Variants in SCUBE3 observed in about 807,000 individuals in gnomAD.
SCUBE3 encodes the protein signal peptide, CUB and EGF-like domain-containing protein 3.
SCUBE3 carries 33 observed loss-of-function variants against 116.8 expected under a neutral mutation model. That is an observed-to-expected ratio of 0.28 (90% confidence interval 0.21 to 0.38). The LOEUF is 0.38. SCUBE3 is among the 10% of genes least tolerant of loss of function. The pLI, the probability that SCUBE3 is intolerant of heterozygous loss-of-function variation, is 1.00. For missense variants in SCUBE3, 1,007 were observed against 1,324.8 expected (o/e 0.76, Z 3.72); for synonymous variants, 418 against 496.9 (o/e 0.84, Z 2.11).
Position 35,245,449 on chromosome 6 carries a change from C to T in SCUBE3, c.2599+24C>T, listed in dbSNP as rs777873938. 6.3e-7 allele frequency: 1 copy of T among 1,589,266 alleles called. No homozygotes were observed. Among genetic ancestry groups the T allele is most frequent in the African/African-American group, 1.3e-5 (1 of 74,334 alleles). On this transcript the variant is annotated intron_variant, in intron 19 of 21. Transcript: ENST00000274938. This position sits in a 1 kb window ranked among gnomAD's most constrained non-coding sequence, Gnocchi z 4.2. ...CTGTGGGTGGCTTGCAGAGCTGGGCCAGGGAAGGGCAGTCCAAATCTGGTT... is the reference window on the plus strand; with the variant it reads ...CTGTGGGTGGCTTGCAGAGCTGGGCTAGGGAAGGGCAGTCCAAATCTGGTT...
Position 35,227,608 on chromosome 6 carries a change from C to A in SCUBE3, c.114C>A (p.Asp38Glu). 2 of 1,614,120 alleles carry A rather than the reference C, an allele frequency of 1.2e-6. No homozygotes were observed. Among genetic ancestry groups the A allele is most frequent in the Non-Finnish European group, 1.7e-6 (2 of 1,180,002 alleles). Residue 38 changes from aspartate to glutamate, a missense_variant, in exon 2 of 22, where the codon GAC (aspartate) becomes GAA (glutamate). Asp to Glu is a conservative substitution (Grantham distance 45, BLOSUM62 2). Transcript: ENST00000274938. ...TGGATGAGTGTGTGGAGGGGACTGA[C>A]AACTGCCACATCGATGCTATCTGCC... Reference protein sequence around the residue: ...QDVDECVEGTDNCHIDAICQN... With the variant: ...QDVDECVEGTENCHIDAICQN...
chr6:35,217,717 G>T (rs571180400), intron 1 of SCUBE3, among the ~76,000 whole-genome samples: 3 of 152,204 alleles, frequency 2.0e-5, no homozygotes, highest in African/African-American at 7.2e-5. Flanking sequence ...AACCATGTCA[G>T]CGGGTAAGGG....
chr6:35,237,851 C>T (rs964528869), intron 6 of SCUBE3, 51 bp from the exon 7 acceptor site: 2 of 1,152,582 alleles, frequency 1.7e-6, no homozygotes, highest in East Asian at 4.8e-5. Flanking sequence ...GAGTTTGGGA[C>T]TCCTCCAGGC....
In SCUBE3 at chr6:35,235,552, C is replaced by T. The variant is rs533033406; in HGVS notation, c.712+2251C>T. 37 of 991,672 alleles carry T rather than the reference C, an allele frequency of 3.7e-5. No individual in the cohort carries two copies. The East Asian group carries it at 4.8e-4, about 13-fold the overall frequency. The allele number at this position is 991,672 out of a possible 1,614,324, so 61.4% of individuals were successfully genotyped here. The stretch of plus-strand genomic sequence containing the variant: ...TGGCTTGCTAGGGGAAGGGCTAACC[C>T]GCTGGGGCTCCCACTAACTGCATGC... On this transcript the variant is annotated intron_variant, in intron 6 of 21. Coordinates refer to ENST00000274938, the MANE Select transcript of SCUBE3 (RefSeq NM_152753.4). The surrounding 1 kb of genome is among the most constrained non-coding windows in gnomAD (Gnocchi z 4.5).
chr6:35,236,845 G>A (rs1783796000), intron 6 of SCUBE3, among the ~76,000 whole-genome samples: 1 of 152,176 alleles, frequency 6.6e-6, no homozygotes, highest in Admixed American at 6.5e-5. Flanking sequence ...ACCCCAAGAG[G>A]ACAGTATGCA....
In SCUBE3 at chr6:35,243,059, C is replaced by T. The variant is rs1355318683; in HGVS notation, c.1732C>T (p.Arg578Trp). The T allele has an allele frequency of 1.5e-5, 24 of 1,614,038 alleles. No individual in the cohort carries two copies. Among genetic ancestry groups the T allele is most frequent in the South Asian group, 2.2e-5 (2 of 91,092 alleles). ...GCCCTGCCTCCGACAGCGAATGGAACGGCGGCTGAAAGGATCCCTGAAGAT... is the reference window on the plus strand; with the variant it reads ...GCCCTGCCTCCGACAGCGAATGGAATGGCGGCTGAAAGGATCCCTGAAGAT... Reference protein sequence around the residue: ...GLPCLRQRMERRLKGSLKMLR... With the variant: ...GLPCLRQRMEWRLKGSLKMLR... The change falls in exon 15 of 22, where the codon CGG becomes TGG. Residue 578 changes from arginine to tryptophan, a missense_variant. Arg to Trp is a moderately radical substitution (Grantham distance 101). Around this residue, in one of 5 missense-constraint regions of SCUBE3, gnomAD observed 544 missense variants for 638.9 expected, o/e 0.85. Transcript: ENST00000274938. This position sits in a 1 kb window ranked among gnomAD's most constrained non-coding sequence, Gnocchi z 6.6.
intron 21 of SCUBE3, 34 bp from the exon 22 acceptor site, chr6:35,248,522 T>C: frequency 6.2e-7 from 1 of 1,611,780 alleles, no homozygotes; most frequent in African/African-American, 1.3e-5. Context: ...CCCCCGACGG[T>C]GAGGCTGACA....
chr6:35,233,104 AG>A lies in SCUBE3; in HGVS notation c.596-76del, dbSNP rs762122884. 26 of 1,473,468 alleles carry A rather than the reference AG, an allele frequency of 1.8e-5. No homozygotes were observed. The highest frequency in any genetic ancestry group is 2.8e-5 in the African/African-American group (2 of 72,326). 91.3% of individuals were successfully genotyped at this position (1,473,468 alleles called of 1,614,324 possible). A position where few individuals can be genotyped will look rare whatever the true frequency, so the allele number is the denominator to read the frequency against. On this transcript the variant is annotated intron_variant, in intron 5 of 21. Coordinates refer to ENST00000274938, the MANE Select transcript of SCUBE3 (RefSeq NM_152753.4). The surrounding 1 kb of genome is among the most constrained non-coding windows in gnomAD (Gnocchi z 5.7). ...GGAGTATGGGGGAGGCAACTAGGCA[AG>A]GGGGCCAGTACCCACATTGTGGAAA...
In SCUBE3 at chr6:35,240,994, T is replaced by A; in HGVS notation, c.1070-147T>A. ...AGTATTTATGTGCCTATAGGCACAC[T>A]GTTGTACAGTAGATCTCTCGAACTT... On this transcript the variant is annotated intron_variant, in intron 9 of 21. Transcript: ENST00000274938. This position sits in a 1 kb window ranked among gnomAD's most constrained non-coding sequence, Gnocchi z 4.6. 1 of 729,140 alleles carries A rather than the reference T, an allele frequency of 1.4e-6. No homozygotes were observed. 45.2% of individuals were successfully genotyped at this position (729,140 alleles called of 1,614,324 possible).
intron 1 of SCUBE3, among the ~76,000 whole-genome samples, chr6:35,226,220 G>C (rs997495763): frequency 6.6e-6 from 1 of 152,192 alleles, no homozygotes; most frequent in Non-Finnish European, 1.5e-5. Context: ...TCCTAGGAGA[G>C]TTGACTCTGA....
In SCUBE3 at chr6:35,249,789, C is replaced by A. The variant is rs1784489052; in HGVS notation, c.*1084C>A. On this transcript the variant is annotated 3_prime_UTR_variant, in exon 22 of 22. Transcript: ENST00000274938. ...CCACTCTGAAGCCAGCCTGGAGCCACCTACCTCTGGCCTCAGGCTGTGGGC... is the reference window on the plus strand; with the variant it reads ...CCACTCTGAAGCCAGCCTGGAGCCAACTACCTCTGGCCTCAGGCTGTGGGC... 6.5e-6 allele frequency: 1 copy of A among 152,702 alleles called. No homozygotes were observed. Among genetic ancestry groups the A allele is most frequent in the Admixed American group, 6.5e-5 (1 of 15,292 alleles). The allele number at this position is 152,702 out of a possible 1,614,324, so 9.5% of individuals were successfully genotyped here. A position where few individuals can be genotyped will look rare whatever the true frequency, so the allele number is the denominator to read the frequency against.
chr6:35,215,795 C>G (rs1782863344), intron 1 of SCUBE3, among the ~76,000 whole-genome samples: 1 of 152,166 alleles, frequency 6.6e-6, no homozygotes, highest in South Asian at 2.1e-4. Context: ...AACTGAAACA[C>G]TAGAGATCCT....
chr6:35,223,973 A>G (rs1783219353), intron 1 of SCUBE3: 1 of 152,256 alleles, frequency 6.6e-6, no homozygotes, highest in East Asian at 1.9e-4. Context: ...TTAAAGTATT[A>G]GCAGAGCAAT....
chr6:35,242,626 T>C lies in SCUBE3; in HGVS notation c.1539T>C (p.Gly513=), dbSNP rs755732478. Residue 513 remains glycine (G), a synonymous_variant, in exon 14 of 22, where the codon GGT becomes GGC. Coordinates refer to ENST00000274938, the MANE Select transcript of SCUBE3 (RefSeq NM_152753.4). Reference sequence around the variant, plus strand: ...TTGACAAGCCCTCTCTCCCAGGTGGTGCCCCCTGCTCTGAATGCCAGGTCA... The same window carrying C: ...TTGACAAGCCCTCTCTCCCAGGTGGCGCCCCCTGCTCTGAATGCCAGGTCA... ...EEAGRITGPG[G]APCSECQVTF... 1 of 1,607,796 alleles carries C rather than the reference T, an allele frequency of 6.2e-7. No homozygotes were observed. Among genetic ancestry groups the C allele is most frequent in the African/African-American group, 1.3e-5 (1 of 74,886 alleles).
rs1784323867 is a variant in SCUBE3 at position 35,246,056 on chromosome 6, C to G, written c.2712C>G (p.Asn904Lys). 1.9e-6 allele frequency: 3 copies of G among 1,614,190 alleles called. No individual in the cohort carries two copies. The highest frequency in any genetic ancestry group is 1.7e-6 in the Non-Finnish European group (2 of 1,180,028). ...TCAACTTCAAGACAAGCGAGGCCAA[C>G]AGCGCCCGTGGCTTCCAGATTCCCT... Reference protein sequence around the residue: ...LWINFKTSEANSARGFQIPYV... With the variant: ...LWINFKTSEAKSARGFQIPYV... Residue 904 changes from asparagine (N) to lysine (K), a missense_variant, in exon 20 of 22, where the codon AAC (asparagine) becomes AAG (lysine). Transcript: ENST00000274938.
intron 21 of SCUBE3, among the ~76,000 whole-genome samples, chr6:35,247,006 G>T (rs974635832): frequency 6.6e-6 from 1 of 151,872 alleles, no homozygotes; most frequent in Admixed American, 6.6e-5. Context: ...AAAAGCAGCG[G>T]CAGATCTAGC....
chr6:35,251,766 G>A lies in SCUBE3; in HGVS notation c.*3061G>A, dbSNP rs1324640035. On this transcript the variant is annotated 3_prime_UTR_variant, in exon 22 of 22. Coordinates refer to ENST00000274938, the MANE Select transcript of SCUBE3 (RefSeq NM_152753.4). Reference sequence around the variant, plus strand: ...AGTTTAATTTAGGTCCTCCAAGTTGGAGGGTTAAGAACCCAGGCAAAGCTG... The same window carrying A: ...AGTTTAATTTAGGTCCTCCAAGTTGAAGGGTTAAGAACCCAGGCAAAGCTG... 6.6e-6 allele frequency: 1 copy of A among 152,150 alleles called. No individual in the cohort carries two copies. Among genetic ancestry groups the A allele is most frequent in the African/African-American group, 2.4e-5 (1 of 41,408 alleles). 9.4% of individuals were successfully genotyped at this position (152,150 alleles called of 1,614,324 possible).
chr6:35,243,839 C>A lies in SCUBE3; in HGVS notation c.2071+84C>A. On this transcript the variant is annotated intron_variant, in intron 16 of 21. Transcript: ENST00000274938. The surrounding 1 kb of genome is among the most constrained non-coding windows in gnomAD (Gnocchi z 6.6). ...CATGGGATTTCCCAAAGGGCAGGCC[C>A]AGGCTCCAGGCCACTCTCTTAGTCA... is the stretch of plus-strand genomic sequence containing the variant. The A allele has an allele frequency of 6.5e-7, 1 of 1,538,726 alleles. No individual in the cohort carries two copies. The highest frequency in any genetic ancestry group is 8.9e-7 in the Non-Finnish European group (1 of 1,122,158).
Position 35,240,931 on chromosome 6 carries a change from A to G in SCUBE3, c.1070-210A>G, listed in dbSNP as rs373555082. Reference sequence around the variant, plus strand: ...TTTTTAAATTGTAAGAATATTTAACAAGAGATCTACCCTCTTAAGTTTTTA... The same window carrying G: ...TTTTTAAATTGTAAGAATATTTAACGAGAGATCTACCCTCTTAAGTTTTTA... On this transcript the variant is annotated intron_variant, in intron 9 of 21. Coordinates refer to ENST00000274938, the MANE Select transcript of SCUBE3 (RefSeq NM_152753.4). This position sits in a 1 kb window ranked among gnomAD's most constrained non-coding sequence, Gnocchi z 4.6. 2.5e-4 allele frequency among the ~76,000 whole-genome samples: 37 copies of G among 149,202 alleles called. No individual in the cohort carries two copies. The East Asian group carries it at 5.4e-3, about 22-fold the overall frequency.
Sources: gnomAD v4.1 joint callset for allele counts (sites outside exome capture counted in the v4.1 genomes callset) on GRCh38, gnomAD v4.1.1 for gene constraint, gnomAD v4.1.1 regional missense constraint, Gnocchi (gnomAD v3.1) non-coding constraint, MANE v1.5 for transcripts, NCBI Gene and HGNC (gene_info 2026-07-23, HGNC 2026-07-21) for gene names.